Variants in CPQ observed in about 807,000 individuals in gnomAD.
CPQ encodes the protein Ser-Met dipeptidase.
Under a neutral mutation model 45.7 loss-of-function variants are expected in CPQ, and 37 were observed. The observed-to-expected ratio is 0.81, with a 90% confidence interval of 0.62 to 1.07. The LOEUF is 1.07. Among genes scored for constraint, CPQ ranks in the 50% least tolerant of loss-of-function variants. CPQ has a pLI of 0.00. For synonymous variants in CPQ, 186 were observed against 205.8 expected (o/e 0.90, Z 0.82); for missense variants, 537 against 572.9 (o/e 0.94, Z 0.64).
At chr8:97,082,604 C>T (rs916936306) in intron 7 of CPQ, among the ~76,000 whole-genome samples, 11 of 152,204 alleles carry the variant, frequency 7.2e-5, no homozygotes, top group African/African-American at 2.7e-4. Context: ...TCTCTCCACT[C>T]TCCATGATCT....
chr8:96,891,068 C>T (rs1452030566), intron 4 of CPQ, among the ~76,000 whole-genome samples: 1 of 152,176 alleles, frequency 6.6e-6, no homozygotes, highest in Non-Finnish European at 1.5e-5. Context: ...AATCCAGCTG[C>T]TTCAGGATGA....
rs187527486 is a variant in CPQ, at chr8:96,967,854, T to G, written c.961+1808T>G. On this transcript the variant is annotated intron_variant, in intron 5 of 7. Transcript: ENST00000220763. ...GTGGCCTTAGGCAAGTTACTTTGCC[T>G]CTCTGTGCCTCAATTTTCTCATCTG... Among the ~76,000 whole-genome samples, 142 of 152,326 alleles carry G rather than the reference T, an allele frequency of 9.3e-4. 1 individual carries two copies. Among genetic ancestry groups the G allele is most frequent in the African/African-American group, 2.9e-3 (122 of 41,580 alleles).
chr8:96,749,194 A>G (rs60217787), intron 1 of CPQ, among the ~76,000 whole-genome samples: 8 of 152,194 alleles, frequency 5.3e-5, no homozygotes, highest in African/African-American at 1.4e-4. Flanking sequence ...TTGTTCCTTA[A>G]GAACCTTATC....
At chr8:96,697,690 A>G (rs190019978) in intron 1 of CPQ, among the ~76,000 whole-genome samples, 83 of 152,308 alleles carry the variant, frequency 5.4e-4, no homozygotes, top group African/African-American at 1.9e-3. Flanking sequence ...ACATATAAAA[A>G]TGAGTAGTAT....
chr8:97,082,380 C>T (rs951280897), intron 7 of CPQ, among the ~76,000 whole-genome samples: 2 of 150,244 alleles, frequency 1.3e-5, no homozygotes, highest in African/African-American at 4.9e-5. Context: ...CCCAGCCTGG[C>T]TCCATCCCTG....
intron 1 of CPQ, among the ~76,000 whole-genome samples, chr8:96,716,139 G>C (rs549066052): frequency 6.6e-6 from 1 of 152,154 alleles, no homozygotes; most frequent in Non-Finnish European, 1.5e-5. Flanking sequence ...CTGAGGTCAT[G>C]CACAAGTTTT....
intron 4 of CPQ, among the ~76,000 whole-genome samples, chr8:96,921,459 CT>C (rs1178498113): frequency 1.3e-5 from 2 of 152,186 alleles, no homozygotes; most frequent in African/African-American, 4.8e-5. Flanking sequence ...TGATATACCT[CT>C]TGTTTTTTCT....
chr8:96,959,729 A>G (rs951095041), intron 4 of CPQ, among the ~76,000 whole-genome samples: 3 of 151,822 alleles, frequency 2.0e-5, no homozygotes, highest in Middle Eastern at 3.2e-3. Flanking sequence ...CAACCATTTA[A>G]TGATTTTTGT....
At chr8:97,052,717 G>A (rs182297680) in intron 6 of CPQ, among the ~76,000 whole-genome samples, 156 of 152,118 alleles carry the variant, frequency 1.0e-3, no homozygotes, top group African/African-American at 3.6e-3. Context: ...CTGAGAAGGA[G>A]GAGATTTTGC....
chr8:96,754,456 G>A (rs777592582), intron 1 of CPQ, among the ~76,000 whole-genome samples: 10 of 151,902 alleles, frequency 6.6e-5, no homozygotes, highest in Admixed American at 2.0e-4. Context: ...TTATGTCAAC[G>A]TCATAAAGTG....
chr8:96,760,938 CAG>C (rs1176768309), intron 1 of CPQ: 1 of 152,076 alleles, frequency 6.6e-6, no homozygotes. Flanking sequence ...GTAATTATGT[CAG>C]AGAGAGGCAA....
At chr8:96,904,794 T>C (rs1417331747) in intron 4 of CPQ, among the ~76,000 whole-genome samples, 1 of 152,140 alleles carries the variant, frequency 6.6e-6, no homozygotes, top group Non-Finnish European at 1.5e-5. Flanking sequence ...GTTGCACAAC[T>C]CCAAGGGGTG....
At chr8:96,650,460 C>T (rs1049859787) in intron 1 of CPQ, among the ~76,000 whole-genome samples, 1 of 152,170 alleles carries the variant, frequency 6.6e-6, no homozygotes, top group African/African-American at 2.4e-5. Context: ...GCAGGTGCAG[C>T]CAGGCATTAT....
chr8:97,075,801 C>T (rs1810836172), intron 7 of CPQ, among the ~76,000 whole-genome samples: 1 of 152,000 alleles, frequency 6.6e-6, no homozygotes, highest in Admixed American at 6.6e-5. Flanking sequence ...CAAATGTATA[C>T]AAAACTAAAA....
At chr8:97,135,015 A>T (rs561264162) in intron 7 of CPQ, among the ~76,000 whole-genome samples, 2 of 152,292 alleles carry the variant, frequency 1.3e-5, no homozygotes, top group South Asian at 4.1e-4. Flanking sequence ...CCTTACAGAG[A>T]TGACTCATTA....
chr8:96,670,204 C>G (rs1808982283), intron 1 of CPQ, among the ~76,000 whole-genome samples: 1 of 151,836 alleles, frequency 6.6e-6, no homozygotes, highest in Non-Finnish European at 1.5e-5. Context: ...AACCGTGGCA[C>G]TAAATAAACT....
intron 2 of CPQ, among the ~76,000 whole-genome samples, chr8:96,803,187 G>A (rs1436167206): frequency 6.6e-6 from 1 of 152,214 alleles, no homozygotes; most frequent in Non-Finnish European, 1.5e-5. Context: ...GGCAGGACAA[G>A]ATTGATGTCC....
chr8:96,747,623 G>A (rs554614830), intron 1 of CPQ, among the ~76,000 whole-genome samples: 2 of 152,306 alleles, frequency 1.3e-5, no homozygotes, highest in South Asian at 4.1e-4. Context: ...AGGAGCCAAA[G>A]GTTCTAATTA....
intron 6 of CPQ, among the ~76,000 whole-genome samples, chr8:97,047,624 C>T (rs1810281562): frequency 6.6e-6 from 1 of 152,082 alleles, no homozygotes; most frequent in Non-Finnish European, 1.5e-5. Context: ...TTCTATAAAT[C>T]CTGCTACAAT....
Sources: allele counts gnomAD v4.1 joint callset (sites outside exome capture counted in the v4.1 genomes callset), GRCh38; gene constraint gnomAD v4.1.1; transcripts MANE v1.5; gene names NCBI Gene and HGNC (gene_info 2026-07-23, HGNC 2026-07-21).